The following PBX3 variants were observed in gnomAD, a reference collection of about 807,000 sequenced individuals.
PBX3 encodes PBX homeobox 3, also known as pre-B-cell leukemia transcription factor 3.
In PBX3, 14 loss-of-function variants were observed where a neutral mutation model predicts 48.5. The ratio of observed to expected loss-of-function variants is 0.29; its 90% CI spans 0.19 to 0.45. PBX3 has a LOEUF of 0.45. PBX3 is among the 20% of genes least tolerant of loss of function. The pLI is 1.00. For synonymous variants in PBX3, 210 were observed against 200.3 expected, an observed-to-expected ratio of 1.05 and a Z score of -0.41; for missense variants, 386 against 546.7, an observed-to-expected ratio of 0.71 and a Z score of 2.93.
chr9:125,899,381 ATT>A (rs1043924139), intron 2 of PBX3, among the ~76,000 whole-genome samples: 5 of 133,348 alleles, frequency 3.7e-5, no homozygotes, highest in Admixed American at 3.1e-4. Context: ...ATATGTATAT[ATT>A]TTTATATAAA....
chr9:125,769,078 A>C (rs1449417661), intron 2 of PBX3, among the ~76,000 whole-genome samples: 1 of 152,222 alleles, frequency 6.6e-6, no homozygotes, highest in Admixed American at 6.5e-5. Flanking sequence ...ATTTTGTCAC[A>C]GAATATTAAA....
At chr9:125,918,517 T>C (rs1331949435) in intron 3 of PBX3, among the ~76,000 whole-genome samples, 1 of 152,208 alleles carries the variant, frequency 6.6e-6, no homozygotes, top group Non-Finnish European at 1.5e-5. Flanking sequence ...TATTCATGAA[T>C]TATTTGTGGA....
chr9:125,964,132 C>T (rs966636066), intron 8 of PBX3, among the ~76,000 whole-genome samples: 1 of 152,138 alleles, frequency 6.6e-6, no homozygotes, highest in Non-Finnish European at 1.5e-5. Context: ...ACATGAATTC[C>T]ATCTTCACTG....
At chr9:125,793,363 AAAAATATATAT>A (rs1197473817) in intron 2 of PBX3, among the ~76,000 whole-genome samples, 4 of 91,678 alleles carry the variant, frequency 4.4e-5, no homozygotes, top group South Asian at 4.2e-4. Context: ...GGGGGAAAAA[AAAAATATATAT>A]ATATATATAT....
chr9:125,769,122 T>G (rs1373767315), intron 2 of PBX3, among the ~76,000 whole-genome samples: 1 of 152,186 alleles, frequency 6.6e-6, no homozygotes, highest in African/African-American at 2.4e-5. Flanking sequence ...AGTTAATAAT[T>G]TTTACTGTTT....
At chr9:125,781,593 CGAGAGG>C (rs1837318225) in intron 2 of PBX3, among the ~76,000 whole-genome samples, 1 of 146,202 alleles carries the variant, frequency 6.8e-6, no homozygotes, top group African/African-American at 2.5e-5. Flanking sequence ...AGGCGAGAGG[CGAGAGG>C]GAGAGGCAGA....
chr9:125,781,904 C>G (rs1243845330), intron 2 of PBX3, among the ~76,000 whole-genome samples: 2 of 151,876 alleles, frequency 1.3e-5, no homozygotes, highest in Non-Finnish European at 2.9e-5. Flanking sequence ...TAAGTATGTC[C>G]TATACCTTTT....
At chr9:125,958,163 C>G (rs1430068056) in intron 5 of PBX3, among the ~76,000 whole-genome samples, 1 of 152,118 alleles carries the variant, frequency 6.6e-6, no homozygotes, top group Non-Finnish European at 1.5e-5. Context: ...CCATCCTGCT[C>G]AAGGCCTGGG....
chr9:125,949,234 G>A, intron 5 of PBX3: 2 of 1,059,640 alleles, frequency 1.9e-6, no homozygotes, highest in Non-Finnish European at 2.7e-6. Flanking sequence ...TATAAAATGA[G>A]AATAATGATA....
intron 4 of PBX3, among the ~76,000 whole-genome samples, chr9:125,933,857 T>A (rs890218330): frequency 6.6e-6 from 1 of 152,170 alleles, no homozygotes; most frequent in Non-Finnish European, 1.5e-5. Flanking sequence ...AATTTGACAT[T>A]TTCAGTATCT....
At chr9:125,849,174 G>A (rs1395446958) in intron 2 of PBX3, among the ~76,000 whole-genome samples, 2 of 151,842 alleles carry the variant, frequency 1.3e-5, no homozygotes, top group African/African-American at 2.4e-5. Context: ...ATTCCAAAGG[G>A]CTTTTTCTAT....
intron 1 of PBX3, among the ~76,000 whole-genome samples, chr9:125,747,856 G>C (rs1836241070): frequency 6.6e-6 from 1 of 151,680 alleles, no homozygotes; most frequent in Non-Finnish European, 1.5e-5. Context: ...TGCTCTGGGG[G>C]GCTCGGGACG....
At chr9:125,876,652 A>G (rs1019681017) in intron 2 of PBX3, among the ~76,000 whole-genome samples, 11 of 152,170 alleles carry the variant, frequency 7.2e-5, no homozygotes, top group African/African-American at 2.4e-4. Flanking sequence ...ACAGTAGGCT[A>G]TTAGAAGTAA....
intron 2 of PBX3, among the ~76,000 whole-genome samples, chr9:125,755,494 C>T (rs2131959109): frequency 6.6e-6 from 1 of 152,056 alleles, no homozygotes; most frequent in South Asian, 2.1e-4. Flanking sequence ...GATTTCTTGG[C>T]TCTCTCTTAA....
rs559258775 is a variant in PBX3, at chr9:125,863,010, A to C, written c.275-52676A>C. On this transcript the variant is annotated intron_variant, in intron 2 of 8. Transcript: ENST00000373489. ...CCTCCTGGGCTTTAGTGATCCTCCC[A>C]CCTCAGCCTCCTGAGTAGCTGGGAC... 1.3e-4 allele frequency among the ~76,000 whole-genome samples: 19 copies of C among 151,462 alleles called. No individual in the cohort carries two copies. The South Asian group carries it at 3.4e-3, about 27-fold the overall frequency.
intron 2 of PBX3, among the ~76,000 whole-genome samples, chr9:125,915,167 G>C (rs1048185684): frequency 1.2e-4 from 18 of 152,152 alleles, no homozygotes; most frequent in African/African-American, 4.1e-4. Flanking sequence ...CGATGGAAAA[G>C]CTCATCTAAT....
At chr9:125,748,741 C>A in intron 2 of PBX3, 118 bp downstream of exon 2, 1 of 675,496 alleles carries the variant, frequency 1.5e-6, no homozygotes, top group Non-Finnish European at 2.6e-6. Flanking sequence ...TGATCATTCT[C>A]TCCTTCCCAC....
chr9:125,763,737 C>T (rs1261039321), intron 2 of PBX3, among the ~76,000 whole-genome samples: 1 of 152,140 alleles, frequency 6.6e-6, no homozygotes, highest in African/African-American at 2.4e-5. Context: ...GCAGTGAGCA[C>T]GGGAACGCTG....
intron 2 of PBX3, among the ~76,000 whole-genome samples, chr9:125,781,018 C>G (rs1271767825): frequency 3.5e-5 from 4 of 113,958 alleles, no homozygotes; most frequent in African/African-American, 7.5e-5. Context: ...CGGGCAGAGA[C>G]GCTCCTCACT....
Sources: allele counts gnomAD v4.1 joint callset (sites outside exome capture counted in the v4.1 genomes callset), GRCh38; gene constraint gnomAD v4.1.1; transcripts MANE v1.5; gene names NCBI Gene and HGNC (gene_info 2026-07-23, HGNC 2026-07-21).